GYG1: variants seen among roughly 807,000 people sequenced by gnomAD.
GYG1 encodes the protein glycogenin-1.
In GYG1, 44 loss-of-function variants were observed where a neutral mutation model predicts 41.9. The observed-to-expected ratio is 1.05, with a 90% CI of 0.83 to 1.35. The LOEUF (loss-of-function observed/expected upper bound fraction) is 1.35, where lower values mean the gene tolerates loss of function less well. Ranked by LOEUF, GYG1 falls within the 40% of genes most tolerant of loss-of-function variation. GYG1 has a pLI of 0.00. For synonymous variants in GYG1, 141 were observed against 158.1 expected, an observed-to-expected ratio of 0.89 and a Z score of 0.81; for missense variants, 429 against 418.9, an observed-to-expected ratio of 1.02 and a Z score of -0.21.
chr3:149,009,078 G>T (rs1392147965), intron 4 of GYG1, 198 bp from the exon 5 acceptor site: 23 of 516,544 alleles, frequency 4.5e-5, no homozygotes, highest in Non-Finnish European at 7.9e-5. Context: ...AGAATTGCTT[G>T]AACCCAGGAG....
intron 5 of GYG1, among the ~76,000 whole-genome samples, chr3:149,011,087 A>G (rs1395577108): frequency 1.3e-5 from 2 of 152,196 alleles, no homozygotes; most frequent in Non-Finnish European, 2.9e-5. Flanking sequence ...AACATATTAC[A>G]TTCTCTTCCC....
chr3:149,006,422 T>C (rs1433154224), intron 4 of GYG1, among the ~76,000 whole-genome samples: 1 of 152,160 alleles, frequency 6.6e-6, no homozygotes, highest in African/African-American at 2.4e-5. Flanking sequence ...TGTCATTCTT[T>C]CCCTCTCCCC....
intron 4 of GYG1, among the ~76,000 whole-genome samples, chr3:148,998,557 G>A (rs55804012): frequency 0.3 from 45,566 of 152,082 alleles, 7,672 homozygotes; most frequent in Middle Eastern, 0.45. Flanking sequence ...GAACCATAAT[G>A]TATGGCAGCA....
chr3:149,001,736 G>A (rs1175613588), intron 4 of GYG1: 5 of 152,542 alleles, frequency 3.3e-5, no homozygotes, highest in African/African-American at 7.2e-5. Context: ...GTCTGAACCA[G>A]GGTCCTTCTC....
At chr3:148,994,019 C>A in intron 1 of GYG1, 123 bp from the exon 2 acceptor site, 1 of 848,058 alleles carries the variant, frequency 1.2e-6, no homozygotes, top group Non-Finnish European at 2.0e-6. Flanking sequence ...CAGCTTGATT[C>A]ATAGAGAAAG....
chr3:149,024,124 A>G lies in GYG1; in HGVS notation c.680A>G (p.Lys227Arg), dbSNP rs780014472. ...CCATGGAATTATACTTATGATCCCAAAACAAAAAGTGTCAAAAGTGAGGCC... is the reference window on the plus strand; with the variant it reads ...CCATGGAATTATACTTATGATCCCAGAACAAAAAGTGTCAAAAGTGAGGCC... ...VKPWNYTYDP[K>R]TKSVKSEAHD... The change falls in exon 6 of 8, where the codon AAA (lysine) becomes AGA (arginine). Residue 227 changes from lysine to arginine, a missense_variant. Coordinates refer to ENST00000345003, the MANE Select transcript of GYG1 (RefSeq NM_004130.4). The G allele has an allele frequency of 2.5e-6, 4 of 1,614,114 alleles. No individual in the cohort carries two copies. The South Asian group carries it at 4.4e-5, about 18-fold the overall frequency.
Position 148,998,126 on chromosome 3 carries a change from A to G in GYG1, c.481+1222A>G, listed in dbSNP as rs575137685. 8.5e-4 allele frequency among the ~76,000 whole-genome samples: 130 copies of G among 152,374 alleles called. 1 individual carries two copies. The highest frequency in any genetic ancestry group is 1.3e-3 in the Non-Finnish European group (86 of 68,030). ...GAAGTTAAAACATTTCAAATTATAC[A>G]TAAAGCTGAGATTGGGTTTTCATTG... On this transcript the variant is annotated intron_variant, in intron 4 of 7. Transcript: ENST00000345003.
chr3:148,996,974 A>G lies in GYG1; in HGVS notation c.481+70A>G, dbSNP rs192059139. The G allele has an allele frequency of 1.9e-5, 22 of 1,156,146 alleles. No homozygotes were observed. In the Admixed American group the frequency reaches 3.6e-4, roughly 19 times the overall value. 71.6% of individuals were successfully genotyped at this position (1,156,146 alleles called of 1,614,324 possible). A position where few individuals can be genotyped will look rare whatever the true frequency, so the allele number is the denominator to read the frequency against. ...TTTCTAGGGGCTGCTCTTCTCAGGA[A>G]TATAATTGCTGTGGTTTATTCTGCC... On this transcript the variant is annotated intron_variant, in intron 4 of 7. Coordinates refer to ENST00000345003, the MANE Select transcript of GYG1 (RefSeq NM_004130.4).
chr3:148,998,506 ACT>A (rs760411354), intron 4 of GYG1, among the ~76,000 whole-genome samples: 2 of 152,304 alleles, frequency 1.3e-5, no homozygotes, highest in Admixed American at 6.5e-5. Flanking sequence ...AGGTTGCGAA[ACT>A]CTGCTCTCTA....
At chr3:148,996,589 ACT>A in intron 3 of GYG1, 113 bp downstream of exon 3, 1 of 1,210,204 alleles carries the variant, frequency 8.3e-7, no homozygotes. Flanking sequence ...AGATAGAACC[ACT>A]GTCATGAAAT....
intron 5 of GYG1, among the ~76,000 whole-genome samples, chr3:149,016,823 G>T (rs1714078232): frequency 1.3e-5 from 2 of 152,206 alleles, no homozygotes; most frequent in African/African-American, 4.8e-5. Context: ...TGTGCAGTTG[G>T]TTGTGGGAGA....
At chr3:148,993,464 T>C (rs1447234667) in intron 1 of GYG1, among the ~76,000 whole-genome samples, 1 of 152,052 alleles carries the variant, frequency 6.6e-6, no homozygotes, top group Non-Finnish European at 1.5e-5. Context: ...GAAAGCCTCT[T>C]TGAGGAGCTG....
intron 5 of GYG1, among the ~76,000 whole-genome samples, chr3:149,016,334 G>A (rs948185165): frequency 1.3e-5 from 2 of 151,692 alleles, no homozygotes; most frequent in African/African-American, 4.8e-5. Context: ...ATGAAGGAAG[G>A]CAAAGTGTAT....
At chr3:149,007,272 C>A (rs1713456169) in intron 4 of GYG1, among the ~76,000 whole-genome samples, 1 of 152,206 alleles carries the variant, frequency 6.6e-6, no homozygotes, top group South Asian at 2.1e-4. Flanking sequence ...ATACCATCAA[C>A]TTTGGGGTTA....
chr3:148,994,606 C>T (rs759096216), intron 2 of GYG1, among the ~76,000 whole-genome samples: 1 of 152,108 alleles, frequency 6.6e-6, no homozygotes, highest in Admixed American at 6.5e-5. Flanking sequence ...TTACATACAC[C>T]TTTACACAGT....
Position 149,018,108 on chromosome 3 carries a change from A to G in GYG1, c.609-5945A>G, listed in dbSNP as rs938515964. 6.6e-5 allele frequency among the ~76,000 whole-genome samples: 10 copies of G among 152,284 alleles called. No homozygotes were observed. The South Asian group carries it at 2.1e-3, about 32-fold the overall frequency. On this transcript the variant is annotated intron_variant, in intron 5 of 7. Transcript: ENST00000345003. ...TGCCCTTACTTCATTTTGGTATGGT[A>G]ATTCTCGATTTTCATAAATGACTAA...
At chr3:148,996,128 AAC>A (rs756521191) in intron 2 of GYG1, among the ~76,000 whole-genome samples, 172 bp from the exon 3 acceptor site, 3 of 152,194 alleles carry the variant, frequency 2.0e-5, no homozygotes, top group Non-Finnish European at 2.9e-5. Context: ...CATGCAAATA[AAC>A]ACAGTTTGTC....
At chr3:149,017,532 T>TA (rs1714116201) in intron 5 of GYG1, among the ~76,000 whole-genome samples, 1 of 151,690 alleles carries the variant, frequency 6.6e-6, no homozygotes, top group East Asian at 1.9e-4. Flanking sequence ...TTCCCCTTCT[T>TA]ATTCATTGGT....
chr3:149,016,368 T>C lies in GYG1; in HGVS notation c.608+6966T>C, dbSNP rs118077123. Among the ~76,000 whole-genome samples, 587 of 146,690 alleles carry C rather than the reference T, an allele frequency of 4.0e-3. 24 individuals carry two copies. In the East Asian group the frequency reaches 0.11, roughly 27 times the overall value. On this transcript the variant is annotated intron_variant, in intron 5 of 7. Transcript: ENST00000345003. ...ATGGGCACAGATGCTTGTAGGCAGG[T>C]GTTATGTTTTGGCTGAATGAATGAA...
Sources: gnomAD v4.1 joint callset for allele counts (sites outside exome capture counted in the v4.1 genomes callset) on GRCh38, gnomAD v4.1.1 for gene constraint, MANE v1.5 for transcripts, NCBI Gene and HGNC (gene_info 2026-07-23, HGNC 2026-07-21) for gene names.